IQCJ: variants seen among roughly 807,000 people sequenced by gnomAD.
The protein encoded by IQCJ is IQ domain-containing protein J.
Under a neutral mutation model 11.0 loss-of-function variants are expected in IQCJ, and 9 were observed. The observed-to-expected ratio is 0.82, with a 90% CI of 0.49 to 1.43. The LOEUF (loss-of-function observed/expected upper bound fraction) is 1.43, where lower values mean the gene tolerates loss of function less well. IQCJ is among the 40% of genes most tolerant of loss of function. The probability of loss-of-function intolerance (pLI) is 0.00; values close to 1 mark genes in which losing one functional copy is unlikely to be tolerated. For synonymous variants in IQCJ, 55 were observed against 51.3 expected (o/e 1.07, Z -0.31); for missense variants, 146 against 133.2 (o/e 1.10, Z -0.47).
chr3:159,135,261 G>C (rs920551572), intron 1 of IQCJ, among the ~76,000 whole-genome samples: 1 of 152,092 alleles, frequency 6.6e-6, no homozygotes, highest in Admixed American at 6.6e-5. Context: ...TCTGGGTAAG[G>C]CTTTTCTATG....
intron 1 of IQCJ, among the ~76,000 whole-genome samples, chr3:159,144,821 T>C (rs1009667145): frequency 6.6e-6 from 1 of 152,150 alleles, no homozygotes; most frequent in Non-Finnish European, 1.5e-5. Flanking sequence ...TTAAATGAAA[T>C]TTTTTATCCT....
intron 1 of IQCJ, among the ~76,000 whole-genome samples, chr3:159,232,451 C>CTT (rs35423818): frequency 8.5e-3 from 708 of 83,688 alleles, no homozygotes; most frequent in African/African-American, 0.011. Context: ...GAGAGACTTT[C>CTT]TTTTTTTTTT....
chr3:159,213,255 A>T (rs1725048010), intron 1 of IQCJ, among the ~76,000 whole-genome samples: 1 of 152,226 alleles, frequency 6.6e-6, no homozygotes. Context: ...GGAGGCATTC[A>T]TGAAGCTAAT....
chr3:159,076,640 C>A (rs1715936421), intron 1 of IQCJ, among the ~76,000 whole-genome samples: 1 of 152,094 alleles, frequency 6.6e-6, no homozygotes, highest in Admixed American at 6.6e-5. Context: ...ACTTTAATAT[C>A]TCTGGAACAG....
chr3:159,204,321 A>G (rs1724524816), intron 1 of IQCJ, among the ~76,000 whole-genome samples: 1 of 152,190 alleles, frequency 6.6e-6, no homozygotes, highest in Non-Finnish European at 1.5e-5. Context: ...TAGTGGGGCC[A>G]TATATCTGTC....
At chr3:159,179,142 TTCAAACGCTAA>T (rs1345232582) in intron 1 of IQCJ, among the ~76,000 whole-genome samples, 1 of 152,180 alleles carries the variant, frequency 6.6e-6, no homozygotes, top group Non-Finnish European at 1.5e-5. Flanking sequence ...CCTTCTTTTA[TTCAAACGCTAA>T]TCATTGCCCT....
chr3:159,185,558 T>C (rs550350106), intron 1 of IQCJ, among the ~76,000 whole-genome samples: 1 of 152,320 alleles, frequency 6.6e-6, no homozygotes, highest in South Asian at 2.1e-4. Context: ...TATTATCTCA[T>C]AGTTTCTCGG....
At chr3:159,133,314 G>A (rs1720102826) in intron 1 of IQCJ, among the ~76,000 whole-genome samples, 2 of 152,114 alleles carry the variant, frequency 1.3e-5, no homozygotes, top group African/African-American at 4.8e-5. Context: ...CATTGTGTCA[G>A]CTTCATTCCT....
intron 1 of IQCJ, among the ~76,000 whole-genome samples, chr3:159,130,789 GA>G (rs999194340): frequency 2.6e-5 from 4 of 152,170 alleles, no homozygotes; most frequent in African/African-American, 9.7e-5. Context: ...TATGGTTATA[GA>G]AAGCATACAA....
chr3:159,233,215 A>T (rs1411383838), intron 1 of IQCJ, among the ~76,000 whole-genome samples: 1 of 151,894 alleles, frequency 6.6e-6, no homozygotes, highest in Non-Finnish European at 1.5e-5. Context: ...TCGGTTGGGG[A>T]TGGAAAGAGA....
chr3:159,162,958 G>C (rs1721954219), intron 1 of IQCJ, among the ~76,000 whole-genome samples: 1 of 152,126 alleles, frequency 6.6e-6, no homozygotes, highest in Non-Finnish European at 1.5e-5. Context: ...AAGAGTCCAG[G>C]ACCAGATGGA....
chr3:159,072,967 G>T (rs143129070), intron 1 of IQCJ, among the ~76,000 whole-genome samples: 1,552 of 152,204 alleles, frequency 0.01, 21 homozygotes, highest in Non-Finnish European at 0.016. Context: ...GGTTCTCTGG[G>T]AAGAGATTCT....
At chr3:159,208,859 G>A (rs1382605333) in intron 1 of IQCJ, among the ~76,000 whole-genome samples, 1 of 152,176 alleles carries the variant, frequency 6.6e-6, no homozygotes, top group Non-Finnish European at 1.5e-5. Context: ...ATTCTTAGAT[G>A]AGAAGAGACA....
chr3:159,096,549 G>A (rs1717774144), intron 1 of IQCJ, among the ~76,000 whole-genome samples: 1 of 52,976 alleles, frequency 1.9e-5, no homozygotes, highest in Non-Finnish European at 3.7e-5. Flanking sequence ...TGTATAAGGT[G>A]TAAGGAAGGG....
intron 1 of IQCJ, among the ~76,000 whole-genome samples, chr3:159,145,635 G>C (rs371907590): frequency 6.6e-6 from 1 of 151,416 alleles, no homozygotes; most frequent in South Asian, 2.1e-4. Context: ...CGGAGAAAAA[G>C]TGAATGTATC....
At chr3:159,163,265 C>G (rs1258760796) in intron 1 of IQCJ, among the ~76,000 whole-genome samples, 2 of 152,064 alleles carry the variant, frequency 1.3e-5, no homozygotes, top group African/African-American at 4.8e-5. Flanking sequence ...AAGCCTGGTT[C>G]AATATACACA....
chr3:159,071,746 C>T (rs1249787383), intron 1 of IQCJ, among the ~76,000 whole-genome samples: 3 of 152,000 alleles, frequency 2.0e-5, no homozygotes, highest in Non-Finnish European at 4.4e-5. Context: ...GCTGCATTTG[C>T]CATCTGTCTC....
intron 1 of IQCJ, among the ~76,000 whole-genome samples, chr3:159,081,888 T>A (rs2108059451): frequency 6.6e-6 from 1 of 152,254 alleles, no homozygotes. Flanking sequence ...CATTAATAAA[T>A]AATCTGATCA....
intron 1 of IQCJ, among the ~76,000 whole-genome samples, chr3:159,150,468 G>T (rs1271211940): frequency 6.6e-6 from 1 of 152,136 alleles, no homozygotes; most frequent in Non-Finnish European, 1.5e-5. Flanking sequence ...GCTGTGAAAA[G>T]AAGACTGGTG....
Sources: allele counts gnomAD v4.1 joint callset (sites outside exome capture counted in the v4.1 genomes callset), GRCh38; gene constraint gnomAD v4.1.1; transcripts MANE v1.5; gene names NCBI Gene and HGNC (gene_info 2026-07-23, HGNC 2026-07-21).